Variants in GRIA1 observed in about 807,000 individuals in gnomAD.
GRIA1 encodes glutamate receptor 1.
In GRIA1, 31 loss-of-function variants were observed where a neutral mutation model predicts 99.2. The ratio of observed to expected loss-of-function variants is 0.31; its 90% CI spans 0.23 to 0.42. The LOEUF is 0.42. GRIA1 is among the 10% of genes least tolerant of loss of function. The pLI is 1.00. For synonymous variants in GRIA1, 438 were observed against 432.4 expected, an observed-to-expected ratio of 1.01 and a Z score of -0.16; for missense variants, 782 against 1,157.5, an observed-to-expected ratio of 0.68 and a Z score of 4.71.
At chr5:153,528,929 G>T (rs1221714954) in intron 2 of GRIA1, among the ~76,000 whole-genome samples, 2 of 152,090 alleles carry the variant, frequency 1.3e-5, no homozygotes, top group Non-Finnish European at 2.9e-5. Context: ...TCCTTGCATA[G>T]GTTGGTTACC....
intron 13 of GRIA1, among the ~76,000 whole-genome samples, chr5:153,777,059 C>T (rs1427302166): frequency 6.6e-6 from 1 of 152,178 alleles, no homozygotes; most frequent in Admixed American, 6.5e-5. Context: ...AAGAGCCCTT[C>T]CCAACTTCGG....
At chr5:153,739,472 G>A (rs1388774527) in intron 11 of GRIA1, among the ~76,000 whole-genome samples, 2 of 152,192 alleles carry the variant, frequency 1.3e-5, no homozygotes, top group Non-Finnish European at 2.9e-5. Flanking sequence ...AAATGTCAAT[G>A]ACAGCATCAA....
intron 4 of GRIA1, among the ~76,000 whole-genome samples, chr5:153,652,162 T>C (rs1489709668): frequency 6.6e-6 from 1 of 152,186 alleles, no homozygotes; most frequent in African/African-American, 2.4e-5. Flanking sequence ...CTTTCTTCCT[T>C]GGGCATAAGT....
intron 11 of GRIA1, among the ~76,000 whole-genome samples, chr5:153,718,133 T>C (rs906619773): frequency 3.3e-5 from 5 of 152,236 alleles, no homozygotes; most frequent in African/African-American, 9.6e-5. Flanking sequence ...CTAAGCATTA[T>C]GGCAGATTTA....
intron 2 of GRIA1, among the ~76,000 whole-genome samples, chr5:153,591,349 G>A (rs1561669307): frequency 2.0e-5 from 3 of 152,122 alleles, no homozygotes; most frequent in Non-Finnish European, 4.4e-5. Context: ...AGTGTTTGTG[G>A]AGCACTAATT....
At chr5:153,648,495 A>G (rs2149455375) in intron 3 of GRIA1, among the ~76,000 whole-genome samples, 1 of 152,282 alleles carries the variant, frequency 6.6e-6, no homozygotes, top group African/African-American at 2.4e-5. Flanking sequence ...ACCTTGGACT[A>G]ATGACTAAAT....
intron 2 of GRIA1, among the ~76,000 whole-genome samples, chr5:153,573,774 C>T (rs1457932476): frequency 6.6e-6 from 1 of 152,196 alleles, no homozygotes; most frequent in African/African-American, 2.4e-5. Context: ...AGACAGGTAA[C>T]ACATGTGACC....
At chr5:153,588,896 CTA>C (rs1311183794) in intron 2 of GRIA1, among the ~76,000 whole-genome samples, 3 of 152,020 alleles carry the variant, frequency 2.0e-5, no homozygotes, top group African/African-American at 4.8e-5. Context: ...CTTTCAGGTA[CTA>C]TATATTGCAT....
chr5:153,686,124 A>G, intron 7 of GRIA1, 101 bp from the exon 8 acceptor site: 5 of 857,550 alleles, frequency 5.8e-6, no homozygotes, highest in Non-Finnish European at 7.9e-6. Context: ...ACATCATTCC[A>G]TGGAACACTC....
chr5:153,765,957 G>T (rs1262043102), intron 12 of GRIA1, among the ~76,000 whole-genome samples: 2 of 152,184 alleles, frequency 1.3e-5, no homozygotes, highest in Non-Finnish European at 2.9e-5. Context: ...CTGCCATATT[G>T]CCTCAGGCAA....
chr5:153,758,297 C>G (rs1405286244), intron 11 of GRIA1, among the ~76,000 whole-genome samples: 1 of 151,854 alleles, frequency 6.6e-6, no homozygotes, highest in Non-Finnish European at 1.5e-5. Context: ...CAATTATATG[C>G]CACTCACAAG....
intron 2 of GRIA1, among the ~76,000 whole-genome samples, chr5:153,605,254 G>A (rs1765346456): frequency 6.6e-6 from 1 of 151,980 alleles, no homozygotes; most frequent in African/African-American, 2.4e-5. Context: ...TAAGCATCCA[G>A]TATGTATTTA....
At chr5:153,530,045 T>G (rs1757951232) in intron 2 of GRIA1, among the ~76,000 whole-genome samples, 1 of 152,302 alleles carries the variant, frequency 6.6e-6, no homozygotes, top group East Asian at 1.9e-4. Flanking sequence ...CCAATTACTA[T>G]AGCAACAGCA....
At chr5:153,574,960 G>C (rs1212903587) in intron 2 of GRIA1, among the ~76,000 whole-genome samples, 2 of 152,082 alleles carry the variant, frequency 1.3e-5, no homozygotes, top group African/African-American at 4.8e-5. Flanking sequence ...AAGAGGGAGA[G>C]ACACCCACAA....
At chr5:153,647,299 TCTGACTGATTTATCAGTAG>T in intron 3 of GRIA1, 132 bp downstream of exon 3, 1 of 1,140,690 alleles carries the variant, frequency 8.8e-7, no homozygotes, top group Non-Finnish European at 1.2e-6. Context: ...TTCTGAGAAA[TCTGACTGATTTATCAGTAG>T]CTGACCTCTA....
intron 2 of GRIA1, among the ~76,000 whole-genome samples, chr5:153,502,507 C>T (rs1227697631): frequency 5.9e-5 from 9 of 152,246 alleles, no homozygotes; most frequent in South Asian, 2.1e-4. Context: ...TTTTAGCTCC[C>T]GCTGGACTAT....
At chr5:153,501,347 C>T (rs1156501126) in intron 2 of GRIA1, among the ~76,000 whole-genome samples, 2 of 152,116 alleles carry the variant, frequency 1.3e-5, no homozygotes, top group African/African-American at 4.8e-5. Flanking sequence ...AAAGAAAGGG[C>T]CATGATTCTA....
chr5:153,698,825 A>C (rs773160242), intron 9 of GRIA1, 42 bp from the exon 10 acceptor site: 1 of 1,319,968 alleles, frequency 7.6e-7, no homozygotes, highest in Non-Finnish European at 1.1e-6. Flanking sequence ...CCATGGGTGA[A>C]CCCATAACCC....
rs555613786 is a variant in GRIA1, at chr5:153,767,728, A to G, written c.2023-2440A>G. Among the ~76,000 whole-genome samples the G allele has an allele frequency of 2.0e-5, 3 of 152,332 alleles. No individual in the cohort carries two copies. In the South Asian group the frequency reaches 6.2e-4, roughly 32 times the overall value. On this transcript the variant is annotated intron_variant, in intron 12 of 15. Transcript: ENST00000285900. Reference sequence around the variant, plus strand: ...CAGCCCAGAACTTCTTGGCAGCCCCAGCCCAGAGATGCTTAATCCTCCATC... The same window carrying G: ...CAGCCCAGAACTTCTTGGCAGCCCCGGCCCAGAGATGCTTAATCCTCCATC...
Sources: gnomAD v4.1 joint callset for allele counts (sites outside exome capture counted in the v4.1 genomes callset) on GRCh38, gnomAD v4.1.1 for gene constraint, MANE v1.5 for transcripts, NCBI Gene and HGNC (gene_info 2026-07-23, HGNC 2026-07-21) for gene names.